Variants in ASTN2 observed in about 807,000 individuals in gnomAD.
ASTN2 encodes astrotactin 2, also known as astrotactin-2.
A neutral mutation model predicts 139.8 loss-of-function variants in ASTN2; 54 were observed. The observed-to-expected ratio is 0.39, with a 90% confidence interval of 0.31 to 0.48. The LOEUF (loss-of-function observed/expected upper bound fraction) is 0.48. Among genes scored for constraint, ASTN2 ranks in the 20% least tolerant of loss-of-function variants. ASTN2 has a pLI of 0.95. For synonymous variants in ASTN2, 756 were observed against 719.5 expected, an observed-to-expected ratio of 1.05 and a Z score of -0.81; for missense variants, 1,565 against 1,725.1, an observed-to-expected ratio of 0.91 and a Z score of 1.64.
intron 7 of ASTN2, among the ~76,000 whole-genome samples, chr9:116,995,606 T>C (rs1836991265): frequency 6.6e-6 from 1 of 152,146 alleles, no homozygotes; most frequent in South Asian, 2.1e-4. Flanking sequence ...CACAAATAAA[T>C]GTATCATTCA....
chr9:117,134,285 TATATATATATACACACAC>T (rs1293914490), intron 4 of ASTN2, among the ~76,000 whole-genome samples: 61 of 76,020 alleles, frequency 8.0e-4, no homozygotes, highest in Non-Finnish European at 1.3e-3. Flanking sequence ...TATATATATA[TATATATATATACACACAC>T]ACACACACAC....
At position 117,240,393 on chromosome 9, in the gene ASTN2, C is replaced by T. The variant is rs1833170911; in HGVS notation, c.631-25651G>A. On this transcript the variant is annotated intron_variant, in intron 2 of 22. Transcript: ENST00000313400. ...ATGGTTGAAAAAGGAGGAACTGAGC[C>T]TTGAATAGGATTCTTCCAGGATAAA... is the stretch of plus-strand genomic sequence containing the variant. 2.0e-5 allele frequency among the ~76,000 whole-genome samples: 3 copies of T among 152,132 alleles called. No homozygotes were observed. The South Asian group carries it at 6.2e-4, about 32-fold the overall frequency.
At chr9:116,604,370 A>G (rs1264468611) in intron 19 of ASTN2, among the ~76,000 whole-genome samples, 1 of 152,010 alleles carries the variant, frequency 6.6e-6, no homozygotes. Context: ...TGACAGAAAT[A>G]TTTTCTGAGC....
intron 20 of ASTN2, among the ~76,000 whole-genome samples, chr9:116,478,732 C>T (rs181666049): frequency 1.2e-4 from 18 of 152,180 alleles, no homozygotes; most frequent in African/African-American, 3.4e-4. Flanking sequence ...CAGTGGCTCA[C>T]ACATGTAATC....
intron 7 of ASTN2, among the ~76,000 whole-genome samples, chr9:116,980,907 A>C (rs914147016): frequency 6.6e-6 from 1 of 152,170 alleles, no homozygotes; most frequent in Non-Finnish European, 1.5e-5. Flanking sequence ...CACCCAGAGC[A>C]GCAAGGCCAT....
chr9:116,816,637 C>T (rs1037416445), intron 12 of ASTN2, among the ~76,000 whole-genome samples: 5 of 152,106 alleles, frequency 3.3e-5, no homozygotes, highest in African/African-American at 1.2e-4. Flanking sequence ...GATGTAGTCC[C>T]TGCTCATGAG....
chr9:116,852,206 A>T (rs190789284), intron 11 of ASTN2, among the ~76,000 whole-genome samples: 1 of 152,178 alleles, frequency 6.6e-6, no homozygotes, highest in African/African-American at 2.4e-5. Context: ...ACCTGATCTT[A>T]GGAAGGGAGG....
intron 13 of ASTN2, among the ~76,000 whole-genome samples, chr9:116,791,023 G>GAAAGA (rs1830536256): frequency 7.9e-6 from 1 of 126,760 alleles, no homozygotes; most frequent in African/African-American, 2.9e-5. Context: ...AAGAAAGAAA[G>GAAAGA]AAAGAAAGAA....
At chr9:117,081,911 C>T (rs1828439012) in intron 5 of ASTN2, among the ~76,000 whole-genome samples, 2 of 152,208 alleles carry the variant, frequency 1.3e-5, no homozygotes, top group African/African-American at 2.4e-5. Flanking sequence ...GAGGATTCTA[C>T]ATGTCAGCTG....
chr9:116,588,930 AT>A, intron 19 of ASTN2, among the ~76,000 whole-genome samples: 1 of 152,204 alleles, frequency 6.6e-6, no homozygotes, highest in Non-Finnish European at 1.5e-5. Flanking sequence ...GATCCAAAAA[AT>A]TTCTCTTTTT....
chr9:117,029,682 A>C (rs1476203633), intron 6 of ASTN2, among the ~76,000 whole-genome samples: 1 of 152,040 alleles, frequency 6.6e-6, no homozygotes, highest in Non-Finnish European at 1.5e-5. Flanking sequence ...GGGAGGAAAA[A>C]AAAATGAAGG....
intron 7 of ASTN2, among the ~76,000 whole-genome samples, chr9:116,977,715 C>CTTTTTTTT (rs386416041): frequency 2.0e-4 from 25 of 122,174 alleles, no homozygotes; most frequent in Non-Finnish European, 3.6e-4. Flanking sequence ...ATTTCTTTTT[C>CTTTTTTTT]TTTTTTTTTT....
chr9:117,030,159 C>G (rs1838207116), intron 6 of ASTN2, among the ~76,000 whole-genome samples: 1 of 152,166 alleles, frequency 6.6e-6, no homozygotes, highest in Non-Finnish European at 1.5e-5. Context: ...TACCTTCTTT[C>G]TCCTGTGGAT....
intron 10 of ASTN2, among the ~76,000 whole-genome samples, chr9:116,969,391 T>G (rs1189525114): frequency 6.6e-6 from 1 of 152,170 alleles, no homozygotes; most frequent in Non-Finnish European, 1.5e-5. Flanking sequence ...AGTAAAGCAC[T>G]TGGAACAGTG....
chr9:116,450,850 T>C (rs1848152856), intron 20 of ASTN2, among the ~76,000 whole-genome samples: 1 of 152,162 alleles, frequency 6.6e-6, no homozygotes, highest in East Asian at 1.9e-4. Context: ...CCAACATAAA[T>C]ATTTAATTCT....
rs570787290 is a variant in ASTN2 at position 116,691,129 on chromosome 9, A to G, written c.2806+34642T>C. Among the ~76,000 whole-genome samples the G allele has an allele frequency of 3.9e-5, 6 of 152,280 alleles. 1 individual carries two copies. In the South Asian group the frequency reaches 1.2e-3, roughly 32 times the overall value. On this transcript the variant is annotated intron_variant, in intron 16 of 22. Coordinates refer to ENST00000313400, the MANE Select transcript of ASTN2 (RefSeq NM_001365068.1). The stretch of plus-strand genomic sequence containing the variant: ...GAGATGGTGTTTCACTCTGTTGCTC[A>G]GGCTCTTTGCCAGATTTTGATAACC...
intron 20 of ASTN2, among the ~76,000 whole-genome samples, chr9:116,456,100 T>C (rs941739409): frequency 2.0e-5 from 3 of 151,898 alleles, no homozygotes; most frequent in African/African-American, 7.3e-5. Context: ...GATGATATGA[T>C]CTTATATTTG....
rs570025403 is a variant in ASTN2, at chr9:117,190,595, G to GCT, written c.1015+23761_1015+23762dup. Among the ~76,000 whole-genome samples the GCT allele has an allele frequency of 3.8e-4, 58 of 152,006 alleles. No homozygotes were observed. In the South Asian group the frequency reaches 0.01, roughly 27 times the overall value. On this transcript the variant is annotated intron_variant, in intron 3 of 22. Coordinates refer to ENST00000313400, the MANE Select transcript of ASTN2 (RefSeq NM_001365068.1). ...CTCCTATAACCCAATTTATTCTAGT[G>GCT]CTCTCTCTCTCAATGCTACTCCTCC...
At chr9:116,600,396 T>C (rs1481760223) in intron 19 of ASTN2, among the ~76,000 whole-genome samples, 2 of 151,962 alleles carry the variant, frequency 1.3e-5, no homozygotes, top group Admixed American at 1.3e-4. Flanking sequence ...CCATTCTTCC[T>C]GATCCCCTGA....
Sources: gnomAD v4.1 joint callset for allele counts (sites outside exome capture counted in the v4.1 genomes callset) on GRCh38, gnomAD v4.1.1 for gene constraint, MANE v1.5 for transcripts, NCBI Gene and HGNC (gene_info 2026-07-23, HGNC 2026-07-21) for gene names.